The following DDX3Y variants were observed in gnomAD, a reference collection of about 807,000 sequenced individuals.
The protein encoded by DDX3Y is DEAD-box helicase 3 Y-linked, also known as ATP-dependent RNA helicase DDX3Y.
DDX3Y carries 2 observed loss-of-function variants against 15.1 expected under a neutral mutation model. The ratio of observed to expected loss-of-function variants is 0.13; its 90% confidence interval spans 0.05 to 0.42. DDX3Y has a LOEUF of 0.42. Among genes scored for constraint, DDX3Y ranks in the 10% least tolerant of loss-of-function variants. The pLI is 0.99. For missense variants in DDX3Y, 81 were observed against 149.9 expected (o/e 0.54, Z 2.40); for synonymous variants, 47 against 45.0 (o/e 1.04, Z -0.18).
At chrY:12,909,569 A>G in intron 3 of DDX3Y, 162 bp downstream of exon 3, 1 of 107,942 alleles carries the variant, frequency 9.3e-6, no homozygotes, top group Non-Finnish European at 1.7e-5. Context: ...AACAGTTTGT[A>G]TAATGTTGAA....
chrY:12,918,256 A>T lies in DDX3Y; in HGVS notation c.*134A>T. 1 of 118,514 alleles carries T rather than the reference A, an allele frequency of 8.4e-6. No individual in the cohort carries two copies. Among genetic ancestry groups the T allele is most frequent in the Non-Finnish European group, 1.5e-5 (1 of 64,961 alleles). 29.6% of individuals were successfully genotyped at this position (118,514 alleles called of 400,897 possible). ...TGTGATTCTCCTGATAATTCAAGGG[A>T]GCTCAAAGTCACAAGAAGAAAAATG... On this transcript the variant is annotated 3_prime_UTR_variant, in exon 17 of 17. Transcript: ENST00000336079.
Position 12,918,887 on chromosome Y carries a change from G to A in DDX3Y, c.*765G>A, listed in dbSNP as rs2053659142. On this transcript the variant is annotated 3_prime_UTR_variant, in exon 17 of 17. Transcript: ENST00000336079. ...CAGCAATTTCTCATGTAATGTTTAGGGAGTTTATTCTAACCTAGGCAAACG... is the reference window on the plus strand; with the variant it reads ...CAGCAATTTCTCATGTAATGTTTAGAGAGTTTATTCTAACCTAGGCAAACG... The A allele has an allele frequency of 9.1e-5, 3 of 33,044 alleles. No individual in the cohort carries two copies. Among genetic ancestry groups the A allele is most frequent in the African/African-American group, 3.6e-4 (3 of 8,399 alleles). 8.2% of individuals were successfully genotyped at this position (33,044 alleles called of 400,897 possible).
In DDX3Y at chrY:12,913,822, A is replaced by G. The variant is rs747903675; in HGVS notation, c.642A>G (p.Gly214=). 69 of 394,998 alleles carry G rather than the reference A, an allele frequency of 1.7e-4. No individual in the cohort carries two copies. The highest frequency in any genetic ancestry group is 2.4e-4 in the Non-Finnish European group (67 of 281,786). Residue 214 remains glycine, a synonymous_variant, in exon 7 of 17, where the codon GGA becomes GGG. Coordinates refer to ENST00000336079, the MANE Select transcript of DDX3Y (RefSeq NM_004660.5). ...AACATGCCATTCCTATTATTAAGGG[A>G]AAAAGAGACTTAATGGCTTGTGCCC... ...VQKHAIPIIK[G]KRDLMACAQT...
chrY:12,914,431 C>T lies in DDX3Y; in HGVS notation c.674-133C>T. 7.0e-5 allele frequency: 11 copies of T among 156,196 alleles called. No homozygotes were observed. The Admixed American group carries it at 1.3e-3, about 18-fold the overall frequency. The allele number at this position is 156,196 out of a possible 400,897, so 39.0% of individuals were successfully genotyped here. On this transcript the variant is annotated intron_variant, in intron 7 of 16. Transcript: ENST00000336079. ...AAGCACAGTACTCACTTTAGGTTTG[C>T]CATATAAATTTACTGTAACTTCCTA...
intron 2 of DDX3Y, 53 bp downstream of exon 2, chrY:12,907,647 G>A: frequency 2.6e-5 from 5 of 194,831 alleles, no homozygotes; most frequent in Non-Finnish European, 4.1e-5. Context: ...TAATGTTAAT[G>A]TCTTACTGGA....
chrY:12,915,568 A>G, intron 10 of DDX3Y, 62 bp from the exon 11 acceptor site: 4 of 319,128 alleles, frequency 1.3e-5, no homozygotes, highest in South Asian at 3.2e-5. Context: ...TTACACAACT[A>G]TATATAGTAA....
intron 3 of DDX3Y, among the ~76,000 whole-genome samples, chrY:12,910,674 A>G: frequency 3.0e-5 from 1 of 33,425 alleles, no homozygotes. Context: ...TGTATTGACT[A>G]CTTCCATTTA....
In DDX3Y at chrY:12,915,302, T is replaced by C; in HGVS notation, c.1019+75T>C. On this transcript the variant is annotated intron_variant, in intron 10 of 16. Transcript: ENST00000336079. ...GATTACTTTTGTTGTATTTTACTAG[T>C]ACTGCTTTAACTTCAATAATTTAAT... is the stretch of plus-strand genomic sequence containing the variant. 5 of 314,958 alleles carry C rather than the reference T, an allele frequency of 1.6e-5. No homozygotes were observed. The Admixed American group carries it at 3.5e-4, about 22-fold the overall frequency. 78.6% of individuals were successfully genotyped at this position (314,958 alleles called of 400,897 possible).
intron 12 of DDX3Y, 24 bp downstream of exon 12, chrY:12,916,051 T>C: frequency 5.2e-6 from 2 of 386,299 alleles, no homozygotes; most frequent in Non-Finnish European, 7.3e-6. Flanking sequence ...AAGAATAGTG[T>C]CAGTTACATG....
chrY:12,912,651 A>G, intron 4 of DDX3Y, 76 bp from the exon 5 acceptor site: 1 of 352,794 alleles, frequency 2.8e-6, no homozygotes. Flanking sequence ...TTCAACTGAT[A>G]CCCAAGTACG....
At chrY:12,905,871 G>A (rs2053610136) in intron 1 of DDX3Y, 9 of 205,364 alleles carry the variant, frequency 4.4e-5, no homozygotes, top group South Asian at 3.0e-4. Context: ...CTGGACAGCC[G>A]CCTAGCCGAG....
chrY:12,906,404 A>G (rs2148296139), intron 1 of DDX3Y, among the ~76,000 whole-genome samples: 3 of 33,744 alleles, frequency 8.9e-5, no homozygotes, highest in African/African-American at 3.5e-4. Flanking sequence ...GTTTACTGAG[A>G]CTTGACGTGT....
chrY:12,905,804 G>T, intron 1 of DDX3Y: 2 of 311,665 alleles, frequency 6.4e-6, no homozygotes, highest in African/African-American at 1.5e-4. Context: ...CCCGCGGAAA[G>T]ACACCTGGAA....
At position 12,917,070 on chromosome Y, in the gene DDX3Y, G is replaced by A; in HGVS notation, c.1763+10G>A. 1 of 395,425 alleles carries A rather than the reference G, an allele frequency of 2.5e-6. No homozygotes were observed. ...GTGGACGATCTAAAAGGTACACACT[G>A]TTTCGAGCCTTCACTCTTGTTATTG... On this transcript the variant is annotated intron_variant, in intron 15 of 16. Coordinates refer to ENST00000336079, the MANE Select transcript of DDX3Y (RefSeq NM_004660.5).
chrY:12,911,579 C>G (rs2053628173), intron 3 of DDX3Y, among the ~76,000 whole-genome samples: 1 of 33,625 alleles, frequency 3.0e-5, no homozygotes, highest in Admixed American at 2.7e-4. Flanking sequence ...AAAATTGTTA[C>G]GATAGTATAG....
intron 2 of DDX3Y, 78 bp from the exon 3 acceptor site, chrY:12,909,282 C>T (rs2053620730): frequency 7.2e-6 from 2 of 277,418 alleles, no homozygotes; most frequent in East Asian, 1.0e-4. Context: ...TTTCCAGGAC[C>T]TATTTTTTAA....
chrY:12,905,882 AGCTGT>A (rs2148295953), intron 1 of DDX3Y: 1 of 195,400 alleles, frequency 5.1e-6, no homozygotes, highest in Non-Finnish European at 8.1e-6. Context: ...CCTAGCCGAG[AGCTGT>A]GCGGTTTTTA....
In DDX3Y at chrY:12,911,845, A is replaced by G. The variant is rs1383642650; in HGVS notation, c.158A>G (p.His53Arg). 7.6e-6 allele frequency: 3 copies of G among 394,386 alleles called. No homozygotes were observed. Among genetic ancestry groups the G allele is most frequent in the South Asian group, 3.0e-5 (1 of 33,060 alleles). Residue 53 changes from histidine to arginine, a missense_variant, in exon 4 of 17, where the codon CAT (histidine) becomes CGT (arginine). Coordinates refer to ENST00000336079, the MANE Select transcript of DDX3Y (RefSeq NM_004660.5). ...TTTTGCTTTTTTATTGAAGGATTCCATGATAAAGACAGTTCAGGTTGGAGT... is the reference window on the plus strand; with the variant it reads ...TTTTGCTTTTTTATTGAAGGATTCCGTGATAAAGACAGTTCAGGTTGGAGT... ...LRNREASKGF[H>R]DKDSSGWSCS...
At chrY:12,909,633 A>G (rs2053622239) in intron 3 of DDX3Y, 4 of 82,307 alleles carry the variant, frequency 4.9e-5, no homozygotes, top group African/African-American at 3.0e-4. Flanking sequence ...TGAGTTTTGT[A>G]TAGTGGTTTA....
Sources: gnomAD v4.1 joint callset for allele counts (sites outside exome capture counted in the v4.1 genomes callset) on GRCh38, gnomAD v4.1.1 for gene constraint, MANE v1.5 for transcripts, NCBI Gene and HGNC (gene_info 2026-07-23, HGNC 2026-07-21) for gene names.